COL25A1: variants seen among roughly 807,000 people sequenced by gnomAD.
COL25A1 encodes collagen alpha-1(XXV) chain.
Under a neutral mutation model 128.4 loss-of-function variants are expected in COL25A1, and 103 were observed. That is an observed-to-expected ratio of 0.80 (90% CI 0.68 to 0.94). The LOEUF is 0.94. Among genes scored for constraint, COL25A1 ranks in the 40% least tolerant of loss-of-function variants. The probability of loss-of-function intolerance (pLI) is 0.00; values close to 1 mark genes in which losing one functional copy is unlikely to be tolerated. For synonymous variants in COL25A1, 279 were observed against 277.2 expected (o/e 1.01, Z -0.06); for missense variants, 745 against 840.0 (o/e 0.89, Z 1.40).
intron 18 of COL25A1, among the ~76,000 whole-genome samples, chr4:108,885,480 G>A (rs962928313): frequency 6.6e-6 from 1 of 152,180 alleles, no homozygotes; most frequent in East Asian, 1.9e-4. Context: ...TGAACAATAA[G>A]ACTAAAATGA....
chr4:109,094,513 GT>G (rs1300569330), intron 3 of COL25A1, among the ~76,000 whole-genome samples: 1 of 152,126 alleles, frequency 6.6e-6, no homozygotes, highest in African/African-American at 2.4e-5. Context: ...AAGAGAATGT[GT>G]GGTTTTATAT....
At chr4:108,897,395 G>A (rs1211819865) in intron 15 of COL25A1, among the ~76,000 whole-genome samples, 1 of 152,148 alleles carries the variant, frequency 6.6e-6, no homozygotes, top group Non-Finnish European at 1.5e-5. Context: ...ATGCATTAGG[G>A]AAATAAGCAT....
intron 6 of COL25A1, among the ~76,000 whole-genome samples, chr4:108,981,679 G>C (rs1752986647): frequency 6.6e-6 from 1 of 152,078 alleles, no homozygotes; most frequent in Admixed American, 6.5e-5. Flanking sequence ...TCACCTGTGT[G>C]ATCTTTAAAT....
chr4:109,174,015 T>C (rs978429309), intron 3 of COL25A1, among the ~76,000 whole-genome samples: 5 of 152,202 alleles, frequency 3.3e-5, no homozygotes, highest in Non-Finnish European at 7.3e-5. Flanking sequence ...GGATGCTCAA[T>C]CTATATGTCT....
intron 3 of COL25A1, among the ~76,000 whole-genome samples, chr4:109,138,592 C>T (rs1036272105): frequency 6.6e-6 from 1 of 152,248 alleles, no homozygotes; most frequent in African/African-American, 2.4e-5. Context: ...AACTAATTTA[C>T]ACTCCCACCA....
At position 109,277,740 on chromosome 4, in the gene COL25A1, C is replaced by T. The variant is rs115410476; in HGVS notation, c.367+22843G>A. ...ATGTATCCATTTCTGATTCTACAGT[C>T]CAATATTTGAGTTTTCTGGCCCAAT... On this transcript the variant is annotated intron_variant, in intron 3 of 37. Transcript: ENST00000399132. Among the ~76,000 whole-genome samples, 281 of 152,234 alleles carry T rather than the reference C, an allele frequency of 1.8e-3. 1 individual carries two copies. Among genetic ancestry groups the T allele is most frequent in the African/African-American group, 6.1e-3 (254 of 41,518 alleles).
At chr4:109,127,894 A>C (rs185353677) in intron 3 of COL25A1, among the ~76,000 whole-genome samples, 202 of 152,274 alleles carry the variant, frequency 1.3e-3, no homozygotes, top group African/African-American at 4.4e-3. Context: ...ATCTTGCATA[A>C]AATAAACTTA....
rs116623341 is a variant in COL25A1, at chr4:108,820,515, T to A, written c.1846-1186A>T. Among the ~76,000 whole-genome samples, 500 of 152,308 alleles carry A rather than the reference T, an allele frequency of 3.3e-3. 2 individuals are homozygous for A. The highest frequency in any genetic ancestry group is 9.6e-3 in the African/African-American group (398 of 41,578). On this transcript the variant is annotated intron_variant, in intron 35 of 37. Coordinates refer to ENST00000399132, the MANE Select transcript of COL25A1 (RefSeq NM_198721.4). ...CCTTTTGTTACAGCAAAACTTTTTT[T>A]AAAAGAAACTAAAAGCAAATACTTT...
At chr4:109,083,453 T>TAA (rs1560659266) in intron 3 of COL25A1, among the ~76,000 whole-genome samples, 1,256 of 114,836 alleles carry the variant, frequency 0.011, 68 homozygotes, top group African/African-American at 0.039. Context: ...AATAAATTTT[T>TAA]TTTTTTTTTT....
intron 6 of COL25A1, among the ~76,000 whole-genome samples, chr4:109,004,679 C>T (rs1282109595): frequency 6.6e-6 from 1 of 152,048 alleles, no homozygotes; most frequent in Non-Finnish European, 1.5e-5. Context: ...CCTTCTCTCT[C>T]TCTCTCCTGC....
intron 8 of COL25A1, among the ~76,000 whole-genome samples, chr4:108,952,614 T>A (rs1332583962): frequency 6.6e-6 from 1 of 152,178 alleles, no homozygotes; most frequent in African/African-American, 2.4e-5. Flanking sequence ...ATTTTGGAAC[T>A]ACATTTCTAT....
chr4:108,872,629 A>G (rs1254942657), intron 19 of COL25A1, among the ~76,000 whole-genome samples: 1 of 152,168 alleles, frequency 6.6e-6, no homozygotes, highest in Non-Finnish European at 1.5e-5. Flanking sequence ...AACTGAATGC[A>G]GAAGCAGATA....
rs1005084903 is a variant in COL25A1 at position 108,810,876 on chromosome 4, C to T, written c.*3051G>A. 1 of 151,874 alleles carries T rather than the reference C, an allele frequency of 6.6e-6. No individual in the cohort carries two copies. Among genetic ancestry groups the T allele is most frequent in the East Asian group, 1.9e-4 (1 of 5,186 alleles). The allele number at this position is 151,874 out of a possible 1,614,324, so 9.4% of individuals were successfully genotyped here. On this transcript the variant is annotated 3_prime_UTR_variant, in exon 38 of 38. Transcript: ENST00000399132. The stretch of plus-strand genomic sequence containing the variant: ...CTATTAAACAGGGAAATAAAATTAT[C>T]CATAGTAGTTGTATTGTCCATAGAG...
chr4:108,962,785 CCA>C (rs1750874114), intron 8 of COL25A1, among the ~76,000 whole-genome samples: 1 of 151,872 alleles, frequency 6.6e-6, no homozygotes. Flanking sequence ...CTAATAAAAC[CCA>C]CTAGTGATCA....
intron 8 of COL25A1, among the ~76,000 whole-genome samples, chr4:108,950,557 TA>T (rs539738505): frequency 7.2e-5 from 11 of 152,132 alleles, no homozygotes; most frequent in Non-Finnish European, 1.2e-4. Flanking sequence ...CCAGAAAATA[TA>T]TTTTCCTTTT....
At chr4:109,218,258 A>G (rs1208093958) in intron 3 of COL25A1, among the ~76,000 whole-genome samples, 1 of 152,020 alleles carries the variant, frequency 6.6e-6, no homozygotes, top group African/African-American at 2.4e-5. Context: ...AAGCTTCACA[A>G]TACTTTGTAC....
chr4:109,076,924 G>C (rs1267471967), intron 3 of COL25A1, among the ~76,000 whole-genome samples: 1 of 152,158 alleles, frequency 6.6e-6, no homozygotes, highest in Non-Finnish European at 1.5e-5. Context: ...AAGCAATGGA[G>C]AGTGGCTACA....
At chr4:109,217,379 C>A (rs941491267) in intron 3 of COL25A1, among the ~76,000 whole-genome samples, 4 of 152,030 alleles carry the variant, frequency 2.6e-5, no homozygotes, top group Non-Finnish European at 5.9e-5. Flanking sequence ...ACAAAACAGA[C>A]AATAATCATA....
At chr4:108,837,473 C>G (rs919992696) in intron 31 of COL25A1, among the ~76,000 whole-genome samples, 2 of 151,994 alleles carry the variant, frequency 1.3e-5, no homozygotes, top group African/African-American at 4.8e-5. Context: ...AAATGAAGAG[C>G]CTGGGGGAGA....
Sources: gnomAD v4.1 joint callset for allele counts (sites outside exome capture counted in the v4.1 genomes callset) on GRCh38, gnomAD v4.1.1 for gene constraint, MANE v1.5 for transcripts, NCBI Gene and HGNC (gene_info 2026-07-23, HGNC 2026-07-21) for gene names.